The following TNKS variants were observed in gnomAD, a reference collection of about 807,000 sequenced individuals.
TNKS encodes the protein poly [ADP-ribose] polymerase tankyrase-1.
In TNKS, 72 loss-of-function variants were observed where a neutral mutation model predicts 135.8. The ratio of observed to expected loss-of-function variants is 0.53; its 90% CI spans 0.44 to 0.64. TNKS has a LOEUF of 0.64. Ranked by LOEUF, TNKS falls within the 30% of genes least tolerant of loss-of-function variation. The pLI is 0.00. For missense variants in TNKS, 1,769 were observed against 1,674.0 expected (o/e 1.06, Z -0.99); for synonymous variants, 849 against 649.3 (o/e 1.31, Z -4.68).
chr8:9,702,436 A>T (rs992515198), intron 5 of TNKS, among the ~76,000 whole-genome samples: 3 of 152,220 alleles, frequency 2.0e-5, no homozygotes, highest in Non-Finnish European at 2.9e-5. Context: ...GAAAAAACAC[A>T]TGTACAAAGG....
intron 2 of TNKS, among the ~76,000 whole-genome samples, chr8:9,612,748 G>A (rs1203059395): frequency 1.3e-5 from 2 of 152,108 alleles, no homozygotes; most frequent in Non-Finnish European, 1.5e-5. Flanking sequence ...GGTTAGGACC[G>A]TTGAACAACG....
chr8:9,582,968 C>T (rs1798224071), intron 2 of TNKS, among the ~76,000 whole-genome samples: 2 of 151,870 alleles, frequency 1.3e-5, no homozygotes, highest in African/African-American at 4.8e-5. Flanking sequence ...AGATCGAGAC[C>T]ATCCTGGCTA....
At chr8:9,669,433 AAAAAAAAAAAAGAATG>A (rs1162117604) in intron 3 of TNKS, among the ~76,000 whole-genome samples, 4 of 151,914 alleles carry the variant, frequency 2.6e-5, no homozygotes, top group Non-Finnish European at 4.4e-5. Flanking sequence ...TCAAAAAAAA[AAAAAAAAAAAAGAATG>A]GAAAAAAGAA....
intron 20 of TNKS, among the ~76,000 whole-genome samples, chr8:9,759,201 G>A (rs1381101961): frequency 2.0e-5 from 3 of 152,230 alleles, no homozygotes; most frequent in African/African-American, 7.2e-5. Context: ...GATGTAAGGA[G>A]GTGGGAATCA....
intron 3 of TNKS, among the ~76,000 whole-genome samples, chr8:9,635,319 A>G (rs1800469788): frequency 6.6e-6 from 1 of 152,240 alleles, no homozygotes; most frequent in South Asian, 2.1e-4. Context: ...GATGGATTGT[A>G]TAGCCCATTG....
At chr8:9,668,738 G>A (rs1802123665) in intron 3 of TNKS, among the ~76,000 whole-genome samples, 1 of 152,166 alleles carries the variant, frequency 6.6e-6, no homozygotes, top group Non-Finnish European at 1.5e-5. Context: ...TTGTCAACAT[G>A]AGCAAAGACA....
intron 1 of TNKS, among the ~76,000 whole-genome samples, chr8:9,578,893 C>T (rs567315345): frequency 4.3e-4 from 65 of 152,222 alleles, no homozygotes; most frequent in African/African-American, 1.4e-3. Flanking sequence ...CCTTTTATAA[C>T]CCATTGCAAT....
chr8:9,772,809 T>TGTGTG (rs1563227259), intron 26 of TNKS, among the ~76,000 whole-genome samples: 1 of 86,586 alleles, frequency 1.2e-5, no homozygotes, highest in Non-Finnish European at 2.4e-5. Flanking sequence ...GTGTGTGTGT[T>TGTGTG]TGTGTGTGTG....
chr8:9,776,179 TATTGGTGA>T lies in TNKS; in HGVS notation c.3898-470_3898-463del, dbSNP rs141247848. Reference sequence around the variant, plus strand: ...TGTTCCCAAACTGTTGTTTCTGGGTTATTGGTGACTCAGTACATCTCACCCTTACTCCT... The same window carrying T: ...TGTTCCCAAACTGTTGTTTCTGGGTTCTCAGTACATCTCACCCTTACTCCT... On this transcript the variant is annotated intron_variant, in intron 26 of 26. Transcript: ENST00000310430. Among the ~76,000 whole-genome samples the T allele has an allele frequency of 3.2e-4, 48 of 152,370 alleles. No homozygotes were observed. In the East Asian group the frequency reaches 9.1e-3, roughly 29 times the overall value.
intron 17 of TNKS, among the ~76,000 whole-genome samples, chr8:9,744,210 C>T (rs1345298629): frequency 6.6e-6 from 1 of 152,022 alleles, no homozygotes; most frequent in Non-Finnish European, 1.5e-5. Context: ...ATAATAATGC[C>T]TTGTGTTATA....
chr8:9,607,312 G>T (rs1019987753), intron 2 of TNKS, among the ~76,000 whole-genome samples: 7 of 152,142 alleles, frequency 4.6e-5, no homozygotes, highest in African/African-American at 1.4e-4. Flanking sequence ...TTTTCTGCTT[G>T]TGTATGCAGT....
At chr8:9,626,669 G>C (rs1383806843) in intron 3 of TNKS, among the ~76,000 whole-genome samples, 1 of 152,148 alleles carries the variant, frequency 6.6e-6, no homozygotes, top group African/African-American at 2.4e-5. Flanking sequence ...GAGAATTGTG[G>C]GGGTTGGGGA....
chr8:9,575,654 A>G (rs1797918870), intron 1 of TNKS, among the ~76,000 whole-genome samples: 1 of 152,216 alleles, frequency 6.6e-6, no homozygotes, highest in East Asian at 1.9e-4. Context: ...GGAAAAGATT[A>G]ATGTTCAGAA....
intron 3 of TNKS, among the ~76,000 whole-genome samples, chr8:9,648,424 C>T (rs1454188885): frequency 1.3e-5 from 2 of 152,010 alleles, no homozygotes; most frequent in African/African-American, 2.4e-5. Context: ...TTTTGTTAAA[C>T]ATTAAGACAC....
At chr8:9,630,031 A>G (rs1189492117) in intron 3 of TNKS, among the ~76,000 whole-genome samples, 1 of 152,130 alleles carries the variant, frequency 6.6e-6, no homozygotes, top group Non-Finnish European at 1.5e-5. Context: ...CACCACTGCT[A>G]ATAAGCTCTT....
At chr8:9,593,071 A>G (rs7000182) in intron 2 of TNKS, among the ~76,000 whole-genome samples, 18,185 of 152,230 alleles carry the variant, frequency 0.12, 1,424 homozygotes, top group African/African-American at 0.23. Context: ...TAACTTACAG[A>G]TTAAACCCAT....
rs186667853 is a variant in TNKS, at chr8:9,598,382, A to G, written c.899-17200A>G. 5.5e-3 allele frequency among the ~76,000 whole-genome samples: 843 copies of G among 152,234 alleles called. 4 individuals carry two copies. Among genetic ancestry groups the G allele is most frequent in the Non-Finnish European group, 9.6e-3 (651 of 68,006 alleles). On this transcript the variant is annotated intron_variant, in intron 2 of 26. Coordinates refer to ENST00000310430, the MANE Select transcript of TNKS (RefSeq NM_003747.3). ...TACTTTCTTAGGAGACTAAAATTGA[A>G]AGCAGAATCAAATTATTACTATTAT... is the stretch of plus-strand genomic sequence containing the variant.
In TNKS at chr8:9,673,978, CA is replaced by C. The variant is rs750015977; in HGVS notation, c.995-5969del. Among the ~76,000 whole-genome samples the C allele has an allele frequency of 1.6e-3, 236 of 152,082 alleles. 15 individuals carry two copies. The highest frequency in any genetic ancestry group is 9.3e-4 in the Non-Finnish European group (63 of 67,984). On this transcript the variant is annotated intron_variant, in intron 3 of 26. Transcript: ENST00000310430. The stretch of plus-strand genomic sequence containing the variant: ...ATTTACCTTCTAGTTAAAACATTAC[CA>C]AAAGTTTAGAATTGTTAACCAAGTA...
intron 2 of TNKS, among the ~76,000 whole-genome samples, chr8:9,611,499 C>T (rs1313620754): frequency 3.3e-5 from 5 of 152,046 alleles, no homozygotes; most frequent in East Asian, 1.9e-4. Context: ...GCTATCAATG[C>T]GTATTGATTT....
Sources: allele counts gnomAD v4.1 joint callset (sites outside exome capture counted in the v4.1 genomes callset), GRCh38; gene constraint gnomAD v4.1.1; transcripts MANE v1.5; gene names NCBI Gene and HGNC (gene_info 2026-07-23, HGNC 2026-07-21).